CHRNA7: variants seen among roughly 807,000 people sequenced by gnomAD.
The protein encoded by CHRNA7 is neuronal acetylcholine receptor subunit alpha-7.
A neutral mutation model predicts 48.0 loss-of-function variants in CHRNA7; 17 were observed. That is an observed-to-expected ratio of 0.35 (90% CI 0.24 to 0.53). The LOEUF is 0.53. Among genes scored for constraint, CHRNA7 ranks in the 20% least tolerant of loss-of-function variants. CHRNA7 has a pLI of 0.92. For missense variants in CHRNA7, 155 were observed against 577.7 expected, an observed-to-expected ratio of 0.27 and a Z score of 7.50; for synonymous variants, 75 against 242.3, an observed-to-expected ratio of 0.31 and a Z score of 6.41.
intron 2 of CHRNA7, among the ~76,000 whole-genome samples, chr15:32,032,873 C>T (rs1037647386): frequency 6.6e-6 from 1 of 152,178 alleles, no homozygotes; most frequent in African/African-American, 2.4e-5. Context: ...CTTCTGGGAA[C>T]TTCTTCTTTA....
intron 2 of CHRNA7, among the ~76,000 whole-genome samples, chr15:32,074,653 T>G (rs926314024): frequency 6.7e-6 from 1 of 149,096 alleles, no homozygotes; most frequent in Admixed American, 6.7e-5. Flanking sequence ...TTATTATTAT[T>G]ATTATTATTA....
At chr15:32,038,977 T>C (rs555664341) in intron 2 of CHRNA7, among the ~76,000 whole-genome samples, 115 of 152,322 alleles carry the variant, frequency 7.5e-4, no homozygotes, top group Admixed American at 9.8e-4. Flanking sequence ...TTATTTCTTC[T>C]TGTTTGAGTT....
chr15:32,150,217 A>T (rs1253075023), intron 4 of CHRNA7, among the ~76,000 whole-genome samples: 1 of 151,914 alleles, frequency 6.6e-6, no homozygotes, highest in African/African-American at 2.4e-5. Flanking sequence ...GCACTGATTA[A>T]TTTTGTCAGT....
intron 4 of CHRNA7, 194 bp downstream of exon 4, chr15:32,112,093 G>A: frequency 1.6e-6 from 1 of 632,034 alleles, no homozygotes; most frequent in Middle Eastern, 2.7e-4. Flanking sequence ...CCCTGGTTTG[G>A]CATGCACACG....
chr15:32,065,445 TG>T (rs2049948049), intron 2 of CHRNA7, among the ~76,000 whole-genome samples: 1 of 152,236 alleles, frequency 6.6e-6, no homozygotes, highest in African/African-American at 2.4e-5. Context: ...TTCCCTGGGT[TG>T]TTGGGTTGAA....
chr15:32,090,160 CCTT>C (rs534067362), intron 2 of CHRNA7, among the ~76,000 whole-genome samples: 72 of 152,200 alleles, frequency 4.7e-4, no homozygotes, highest in Admixed American at 1.4e-3. Flanking sequence ...TAGCTTTTTC[CCTT>C]CTTAGGTAAG....
chr15:32,064,432 G>T (rs1566813847), intron 2 of CHRNA7, among the ~76,000 whole-genome samples: 1 of 151,800 alleles, frequency 6.6e-6, no homozygotes, highest in African/African-American at 2.4e-5. Flanking sequence ...TGTCATATTA[G>T]AGCCTTTCTC....
At chr15:32,130,754 G>T (rs2051141361) in intron 4 of CHRNA7, among the ~76,000 whole-genome samples, 1 of 151,618 alleles carries the variant, frequency 6.6e-6, no homozygotes, top group Non-Finnish European at 1.5e-5. Context: ...ACATCTTACT[G>T]GTTCAAGTAA....
At chr15:32,143,096 C>T (rs1051409955) in intron 4 of CHRNA7, among the ~76,000 whole-genome samples, 4 of 152,184 alleles carry the variant, frequency 2.6e-5, no homozygotes, top group African/African-American at 9.7e-5. Flanking sequence ...TTGAATGTGT[C>T]CCAGAGATTC....
chr15:32,154,485 G>A (rs1316031115), intron 5 of CHRNA7, among the ~76,000 whole-genome samples: 1 of 8,624 alleles, frequency 1.2e-4, no homozygotes, highest in Non-Finnish European at 2.5e-4. Flanking sequence ...TCAAGGGAGA[G>A]CTCTCTAGCG....
Position 32,030,566 on chromosome 15 carries a change from G to T in CHRNA7, c.-29G>T. ...GGGCGACAGCCGAGACGTGGAGCGC[G>T]CCGGCTCGCTGCAGCTCCGGGACTC... is the stretch of plus-strand genomic sequence containing the variant. On this transcript the variant is annotated 5_prime_UTR_variant, in exon 1 of 10. Coordinates refer to ENST00000306901, the MANE Select transcript of CHRNA7 (RefSeq NM_000746.6). 2 of 1,468,210 alleles carry T rather than the reference G, an allele frequency of 1.4e-6. No homozygotes were observed. The highest frequency in any genetic ancestry group is 9.0e-7 in the Non-Finnish European group (1 of 1,115,780). The allele number at this position is 1,468,210 out of a possible 1,614,324, so 90.9% of individuals were successfully genotyped here.
At chr15:32,119,868 G>A (rs941185012) in intron 4 of CHRNA7, among the ~76,000 whole-genome samples, 3 of 152,064 alleles carry the variant, frequency 2.0e-5, no homozygotes, top group African/African-American at 7.2e-5. Context: ...TGTTTGCCTC[G>A]GGCTAACTCG....
chr15:32,130,407 T>A (rs1221568698), intron 4 of CHRNA7, among the ~76,000 whole-genome samples: 1 of 151,876 alleles, frequency 6.6e-6, no homozygotes, highest in Non-Finnish European at 1.5e-5. Flanking sequence ...TAGACTGAGC[T>A]TTTATCATTA....
chr15:32,116,573 G>T (rs1485589815), intron 4 of CHRNA7, among the ~76,000 whole-genome samples: 1 of 152,208 alleles, frequency 6.6e-6, no homozygotes, highest in Non-Finnish European at 1.5e-5. Flanking sequence ...AAAGTGGGTA[G>T]CAATTATGGA....
intron 3 of CHRNA7, among the ~76,000 whole-genome samples, chr15:32,105,411 G>A (rs113583182): frequency 0.023 from 3,484 of 151,350 alleles, 129 homozygotes; most frequent in African/African-American, 0.081. Context: ...GGAGTTGGAG[G>A]AGGTGGAGGA....
intron 2 of CHRNA7, among the ~76,000 whole-genome samples, chr15:32,053,281 T>C (rs2049724923): frequency 6.6e-6 from 1 of 152,236 alleles, no homozygotes; most frequent in Non-Finnish European, 1.5e-5. Flanking sequence ...GTTTCATCTT[T>C]GACATGCTGT....
rs186843376 is a variant in CHRNA7, at chr15:32,059,189, A to C, written c.195+28152A>C. Among the ~76,000 whole-genome samples the C allele has an allele frequency of 2.4e-3, 360 of 152,134 alleles. 1 individual carries two copies. Among genetic ancestry groups the C allele is most frequent in the Middle Eastern group, 6.8e-3 (2 of 294 alleles). On this transcript the variant is annotated intron_variant, in intron 2 of 9. Transcript: ENST00000306901. The stretch of plus-strand genomic sequence containing the variant: ...CAGCACATTTTTGTATTATTAGTAG[A>C]GATAGGGTTTTACCGTGTTGGCCAG...
chr15:32,137,031 C>CAA (rs775166263), intron 4 of CHRNA7, among the ~76,000 whole-genome samples: 21,413 of 62,218 alleles, frequency 0.34, 4,593 homozygotes, highest in Non-Finnish European at 0.37. Context: ...GACTCCGTCT[C>CAA]AAAAAAAAAA....
chr15:32,092,611 T>C (rs74011113), intron 2 of CHRNA7, among the ~76,000 whole-genome samples: 7,886 of 152,306 alleles, frequency 0.052, 678 homozygotes, highest in African/African-American at 0.18. Flanking sequence ...ATTATTTTTA[T>C]GTTATACTTT....
Sources: allele counts gnomAD v4.1 joint callset (sites outside exome capture counted in the v4.1 genomes callset), GRCh38; gene constraint gnomAD v4.1.1; transcripts MANE v1.5; gene names NCBI Gene and HGNC (gene_info 2026-07-23, HGNC 2026-07-21).